NEK11: variants seen among roughly 807,000 people sequenced by gnomAD.
NEK11 encodes NIMA related kinase 11, also known as serine/threonine-protein kinase Nek11.
Under a neutral mutation model 80.7 loss-of-function variants are expected in NEK11, and 72 were observed. That is an observed-to-expected ratio of 0.89 (90% CI 0.74 to 1.08). The LOEUF (loss-of-function observed/expected upper bound fraction) is 1.08. NEK11 is among the 50% of genes least tolerant of loss of function. The pLI, the probability that NEK11 is intolerant of heterozygous loss-of-function variation, is 0.00. For synonymous variants in NEK11, 251 were observed against 260.7 expected (o/e 0.96, Z 0.36); for missense variants, 764 against 763.6 (o/e 1.00, Z -0.01).
intron 3 of NEK11, among the ~76,000 whole-genome samples, chr3:131,078,208 T>C (rs2074685622): frequency 6.6e-6 from 1 of 152,148 alleles, no homozygotes; most frequent in East Asian, 1.9e-4. Context: ...TTAAAGTGAA[T>C]AAAATATTAA....
intron 16 of NEK11, among the ~76,000 whole-genome samples, chr3:131,267,652 G>C (rs2096086639): frequency 6.6e-6 from 1 of 151,744 alleles, no homozygotes; most frequent in African/African-American, 2.4e-5. Context: ...CTGTTAGTCT[G>C]ATGGGCTTCC....
intron 17 of NEK11, among the ~76,000 whole-genome samples, chr3:131,312,390 G>A (rs2096790796): frequency 6.6e-6 from 1 of 152,136 alleles, no homozygotes; most frequent in Non-Finnish European, 1.5e-5. Flanking sequence ...GAGTGAGGGT[G>A]GGATAATCAT....
At chr3:131,089,931 A>G (rs999687090) in intron 4 of NEK11, among the ~76,000 whole-genome samples, 12 of 152,232 alleles carry the variant, frequency 7.9e-5, no homozygotes, top group African/African-American at 2.9e-4. Flanking sequence ...CAGCGAATTA[A>G]TAACGGAAGC....
At chr3:131,122,899 C>T (rs910392747) in intron 5 of NEK11, among the ~76,000 whole-genome samples, 1 of 152,150 alleles carries the variant, frequency 6.6e-6, no homozygotes, top group Non-Finnish European at 1.5e-5. Flanking sequence ...GTCAGCAAAT[C>T]TTAACCAGAT....
At chr3:131,248,788 T>C (rs372103009) in intron 16 of NEK11, among the ~76,000 whole-genome samples, 2 of 152,158 alleles carry the variant, frequency 1.3e-5, no homozygotes, top group Admixed American at 1.3e-4. Context: ...CTGTGCACTA[T>C]TTTGCTTTTT....
At chr3:131,194,872 G>A (rs2093936639) in intron 14 of NEK11, among the ~76,000 whole-genome samples, 1 of 152,164 alleles carries the variant, frequency 6.6e-6, no homozygotes, top group Non-Finnish European at 1.5e-5. Flanking sequence ...AAGATCTGAG[G>A]TTGAATCTAG....
At chr3:131,103,442 T>A (rs1028525040) in intron 4 of NEK11, among the ~76,000 whole-genome samples, 2 of 152,322 alleles carry the variant, frequency 1.3e-5, no homozygotes, top group African/African-American at 4.8e-5. Context: ...AGCAAAGTAT[T>A]TTTGTTGTTG....
chr3:131,207,812 G>A (rs1166981186), intron 14 of NEK11, among the ~76,000 whole-genome samples: 1 of 152,144 alleles, frequency 6.6e-6, no homozygotes, highest in East Asian at 1.9e-4. Context: ...TGATGGGGTT[G>A]TTTGATTTTT....
At chr3:131,346,089 C>G (rs185932382) in intron 17 of NEK11, among the ~76,000 whole-genome samples, 14 of 151,966 alleles carry the variant, frequency 9.2e-5, no homozygotes, top group Non-Finnish European at 1.9e-4. Flanking sequence ...ACAGTAGATA[C>G]GTAGGATGGA....
chr3:131,141,969 C>A (rs937568056), intron 7 of NEK11, among the ~76,000 whole-genome samples: 2 of 152,180 alleles, frequency 1.3e-5, no homozygotes, highest in African/African-American at 4.8e-5. Flanking sequence ...GCTGCGGTAA[C>A]AAAGAACTCC....
chr3:131,178,142 T>G (rs2093142051), intron 14 of NEK11, among the ~76,000 whole-genome samples: 1 of 152,158 alleles, frequency 6.6e-6, no homozygotes. Context: ...CACTTATGAA[T>G]GGAGCTTGCA....
intron 7 of NEK11, among the ~76,000 whole-genome samples, chr3:131,141,950 G>A (rs1223879455): frequency 1.3e-5 from 2 of 152,206 alleles, no homozygotes; most frequent in African/African-American, 4.8e-5. Context: ...TGATGTATCA[G>A]TCAGCTTTGC....
intron 5 of NEK11, among the ~76,000 whole-genome samples, chr3:131,128,252 C>T (rs2083717796): frequency 1.3e-5 from 2 of 152,106 alleles, no homozygotes; most frequent in Admixed American, 1.3e-4. Context: ...GACATGTACC[C>T]ATCATTTTAG....
chr3:131,096,002 G>A (rs189810410), intron 4 of NEK11, among the ~76,000 whole-genome samples: 1 of 152,114 alleles, frequency 6.6e-6, no homozygotes, highest in Non-Finnish European at 1.5e-5. Flanking sequence ...AGAGAGAACT[G>A]TTTTCTTGAG....
At chr3:131,143,855 A>G (rs915930170) in intron 7 of NEK11, among the ~76,000 whole-genome samples, 8 of 152,166 alleles carry the variant, frequency 5.3e-5, no homozygotes, top group Admixed American at 2.0e-4. Flanking sequence ...GGTGATACAC[A>G]CTAAAGCAAA....
intron 14 of NEK11, among the ~76,000 whole-genome samples, chr3:131,186,096 GTCAAAGC>G (rs1298131669): frequency 2.0e-5 from 3 of 152,160 alleles, no homozygotes; most frequent in African/African-American, 7.2e-5. Context: ...TACAATCAGT[GTCAAAGC>G]AAGTTGCAAT....
chr3:131,302,887 A>T (rs2096677059), intron 17 of NEK11, among the ~76,000 whole-genome samples: 2 of 152,160 alleles, frequency 1.3e-5, no homozygotes, highest in South Asian at 4.1e-4. Flanking sequence ...TGTCAAGTTC[A>T]AGTCCTGAAT....
At chr3:131,280,909 A>C (rs757616659) in intron 17 of NEK11, among the ~76,000 whole-genome samples, 1 of 152,170 alleles carries the variant, frequency 6.6e-6, no homozygotes, top group Non-Finnish European at 1.5e-5. Context: ...TGGGTTCTCT[A>C]TGCAATGGCT....
At chr3:131,108,917 A>G (rs764807756) in intron 4 of NEK11, among the ~76,000 whole-genome samples, 32 of 152,120 alleles carry the variant, frequency 2.1e-4, no homozygotes, top group Non-Finnish European at 3.8e-4. Flanking sequence ...TATGCACAAT[A>G]TAAGTGCCAA....
Sources: gnomAD v4.1 joint callset for allele counts (sites outside exome capture counted in the v4.1 genomes callset) on GRCh38, gnomAD v4.1.1 for gene constraint, MANE v1.5 for transcripts, NCBI Gene and HGNC (gene_info 2026-07-23, HGNC 2026-07-21) for gene names.